The following HMGN5 variants were observed in gnomAD, a reference collection of about 807,000 sequenced individuals.
HMGN5 encodes the protein high mobility group nucleosome-binding domain-containing protein 5.
Under a neutral mutation model 9.5 loss-of-function variants are expected in HMGN5, and 4 were observed. That is an observed-to-expected ratio of 0.42 (90% CI 0.21 to 0.96). The LOEUF is 0.96. HMGN5 is among the 40% of genes least tolerant of loss of function. HMGN5 has a pLI of 0.30. For missense variants in HMGN5, 192 were observed against 187.5 expected (o/e 1.02, Z -0.14); for synonymous variants, 55 against 57.1 (o/e 0.96, Z 0.16).
chrX:81,176,375 C>G (rs1325705009), intron 1 of HMGN5, among the ~76,000 whole-genome samples: 7 of 111,437 alleles, frequency 6.3e-5, no homozygotes, highest in African/African-American at 1.6e-4. Flanking sequence ...GGAGCACCTC[C>G]TCTCCTCCAA....
chrX:81,130,108 GGA>G (rs940212451), intron 1 of HMGN5, among the ~76,000 whole-genome samples: 6 of 111,040 alleles, frequency 5.4e-5, no homozygotes, highest in African/African-American at 2.0e-4. Flanking sequence ...CAGGAACTTT[GGA>G]GAGAGAGACC....
intron 1 of HMGN5, among the ~76,000 whole-genome samples, chrX:81,124,162 C>A (rs1569341193): frequency 8.9e-6 from 1 of 112,111 alleles, no homozygotes; most frequent in Admixed American, 9.4e-5. Context: ...TGATTTATAT[C>A]TTATTAAATT....
In HMGN5 at chrX:81,158,126, A is replaced by G. The variant is rs772191499; in HGVS notation, c.-123-36454T>C. Among the ~76,000 whole-genome samples the G allele has an allele frequency of 1.7e-3, 194 of 111,881 alleles. 1 individual carries two copies. The highest frequency in any genetic ancestry group is 3.3e-3 in the Non-Finnish European group (173 of 53,188). On this transcript the variant is annotated intron_variant, in intron 1 of 6. Coordinates refer to ENST00000358130, the MANE Select transcript of HMGN5 (RefSeq NM_030763.3). ...ATTATATACCTGAAAAAAAATGTGC[A>G]AATGTTGTGTCCTGAGATGTATGAG...
In HMGN5 at chrX:81,165,087, C is replaced by T. The variant is rs191884011; in HGVS notation, c.-124+36650G>A. The stretch of plus-strand genomic sequence containing the variant: ...GAAAGGTCATCGATTTTGGAATAAT[C>T]CTTTATCTGACATCAAATATTGAAA... On this transcript the variant is annotated intron_variant, in intron 1 of 6. Coordinates refer to ENST00000358130, the MANE Select transcript of HMGN5 (RefSeq NM_030763.3). Among the ~76,000 whole-genome samples, 240 of 111,244 alleles carry T rather than the reference C, an allele frequency of 2.2e-3. 1 individual carries two copies. Among genetic ancestry groups the T allele is most frequent in the Non-Finnish European group, 2.9e-3 (153 of 52,865 alleles).
chrX:81,154,909 T>C (rs2075378490), intron 1 of HMGN5, among the ~76,000 whole-genome samples: 1 of 108,343 alleles, frequency 9.2e-6, no homozygotes, highest in Admixed American at 1.0e-4. Flanking sequence ...GGAACCCTTG[T>C]ACACTGGTGG....
intron 1 of HMGN5, among the ~76,000 whole-genome samples, chrX:81,165,787 A>G (rs1247600709): frequency 8.9e-6 from 1 of 111,896 alleles, no homozygotes; most frequent in Admixed American, 9.6e-5. Flanking sequence ...AGCCATGGAT[A>G]CAAAAGCTAC....
chrX:81,160,445 C>T (rs1242075245), intron 1 of HMGN5, among the ~76,000 whole-genome samples: 1 of 110,859 alleles, frequency 9.0e-6, no homozygotes, highest in Non-Finnish European at 1.9e-5. Flanking sequence ...TGATGGGTAG[C>T]TGCACCTACT....
At chrX:81,141,236 T>C (rs1199670158) in intron 1 of HMGN5, among the ~76,000 whole-genome samples, 1 of 111,655 alleles carries the variant, frequency 9.0e-6, no homozygotes, top group Non-Finnish European at 1.9e-5. Flanking sequence ...CTGGGGGAAG[T>C]CTTCACCCTG....
chrX:81,172,186 G>A (rs980183090), intron 1 of HMGN5, among the ~76,000 whole-genome samples: 40 of 110,702 alleles, frequency 3.6e-4, no homozygotes, highest in Non-Finnish European at 5.5e-4. Flanking sequence ...ACACAATAGA[G>A]AGAAAAACAG....
intron 1 of HMGN5, among the ~76,000 whole-genome samples, chrX:81,149,732 G>T (rs2075355660): frequency 8.9e-6 from 1 of 111,896 alleles, no homozygotes; most frequent in Non-Finnish European, 1.9e-5. Flanking sequence ...CATGCCAATG[G>T]AAACTGAAAA....
At chrX:81,148,954 T>C (rs1475185776) in intron 1 of HMGN5, among the ~76,000 whole-genome samples, 3 of 111,655 alleles carry the variant, frequency 2.7e-5, no homozygotes, top group East Asian at 5.6e-4. Context: ...GTTAGAATGA[T>C]GATCATTAAA....
At chrX:81,130,049 A>G (rs1293090413) in intron 1 of HMGN5, among the ~76,000 whole-genome samples, 1 of 111,748 alleles carries the variant, frequency 8.9e-6, no homozygotes, top group Non-Finnish European at 1.9e-5. Context: ...CCACCAGGAA[A>G]GTATGAATTA....
chrX:81,115,706 C>T (rs768248571), intron 6 of HMGN5, among the ~76,000 whole-genome samples: 10 of 111,940 alleles, frequency 8.9e-5, no homozygotes, highest in South Asian at 3.6e-4. Context: ...AAAGATTTTC[C>T]ATATTTGCAT....
chrX:81,173,476 T>C, intron 1 of HMGN5, among the ~76,000 whole-genome samples: 1 of 111,671 alleles, frequency 9.0e-6, no homozygotes, highest in East Asian at 2.8e-4. Context: ...AGAAACCTTG[T>C]TATGTTGCTT....
chrX:81,117,798 G>C (rs1049692319), intron 5 of HMGN5, among the ~76,000 whole-genome samples: 1 of 110,461 alleles, frequency 9.1e-6, no homozygotes, highest in Non-Finnish European at 1.9e-5. Context: ...CAAAGTGATA[G>C]GATTAGATGC....
At chrX:81,164,354 G>A (rs755252669) in intron 1 of HMGN5, among the ~76,000 whole-genome samples, 1 of 110,811 alleles carries the variant, frequency 9.0e-6, no homozygotes, top group South Asian at 3.8e-4. Flanking sequence ...TCCTCTAATT[G>A]TTCCTTCCTA....
At chrX:81,165,240 G>A (rs889122036) in intron 1 of HMGN5, among the ~76,000 whole-genome samples, 9 of 110,221 alleles carry the variant, frequency 8.2e-5, no homozygotes, top group South Asian at 3.9e-4. Context: ...CTGTTTATAC[G>A]TGCAATTCCA....
rs188390437 is a variant in HMGN5, at chrX:81,173,640, T to A, written c.-124+28097A>T. On this transcript the variant is annotated intron_variant, in intron 1 of 6. Coordinates refer to ENST00000358130, the MANE Select transcript of HMGN5 (RefSeq NM_030763.3). Reference sequence around the variant, plus strand: ...GTGCTTCCACGCTATTTTGTGTGTTTTATATATATACTATTTTCTATAACA... The same window carrying A: ...GTGCTTCCACGCTATTTTGTGTGTTATATATATATACTATTTTCTATAACA... 1.8e-4 allele frequency among the ~76,000 whole-genome samples: 20 copies of A among 112,342 alleles called. No individual in the cohort carries two copies. The East Asian group carries it at 5.3e-3, about 30-fold the overall frequency.
At chrX:81,135,233 AT>A (rs1300661053) in intron 1 of HMGN5, among the ~76,000 whole-genome samples, 3 of 111,913 alleles carry the variant, frequency 2.7e-5, no homozygotes, top group Admixed American at 9.5e-5. Context: ...CAACAAGGGA[AT>A]TTTATCCAGA....
Sources: allele counts gnomAD v4.1 joint callset (sites outside exome capture counted in the v4.1 genomes callset), GRCh38; gene constraint gnomAD v4.1.1; transcripts MANE v1.5; gene names NCBI Gene and HGNC (gene_info 2026-07-23, HGNC 2026-07-21).